Variants in PRKN observed in about 807,000 individuals in gnomAD.
The protein encoded by PRKN is E3 ubiquitin-protein ligase parkin.
PRKN carries 56 observed loss-of-function variants against 59.5 expected under a neutral mutation model. The ratio of observed to expected loss-of-function variants is 0.94; its 90% CI spans 0.76 to 1.18. The LOEUF is 1.18. Among genes scored for constraint, PRKN ranks in the 50% most tolerant of loss-of-function variants. PRKN has a pLI of 0.00. For missense variants in PRKN, 657 were observed against 596.4 expected, an observed-to-expected ratio of 1.10 and a Z score of -1.06; for synonymous variants, 250 against 222.1, an observed-to-expected ratio of 1.13 and a Z score of -1.12.
At chr6:162,521,593 A>T (rs188166010) in intron 1 of PRKN, among the ~76,000 whole-genome samples, 1 of 152,282 alleles carries the variant, frequency 6.6e-6, no homozygotes, top group Admixed American at 6.5e-5. Flanking sequence ...TGGAAAAAAC[A>T]TATTACTATT....
At chr6:161,658,390 A>C (rs952580903) in intron 7 of PRKN, among the ~76,000 whole-genome samples, 7 of 152,218 alleles carry the variant, frequency 4.6e-5, no homozygotes, top group Non-Finnish European at 2.9e-5. Context: ...ACCCCCTCTC[A>C]GTCCAGTGAC....
rs577230047 is a variant in PRKN, at chr6:162,252,714, T to G, written c.412+9811A>C. On this transcript the variant is annotated intron_variant, in intron 3 of 11. Transcript: ENST00000366898. ...CATCAGCTTTAAAGGTGCCTTGTTC[T>G]TTCACTTCCCAGCATCTAGAACTGG... Among the ~76,000 whole-genome samples, 6 of 152,358 alleles carry G rather than the reference T, an allele frequency of 3.9e-5. No individual in the cohort carries two copies. The South Asian group carries it at 1.2e-3, about 32-fold the overall frequency.
At chr6:161,649,543 C>T (rs1367664110) in intron 7 of PRKN, among the ~76,000 whole-genome samples, 1 of 152,132 alleles carries the variant, frequency 6.6e-6, no homozygotes, top group Non-Finnish European at 1.5e-5. Flanking sequence ...TTATATAAAC[C>T]AGGTTCAGAA....
chr6:162,503,990 G>A (rs147357269), intron 1 of PRKN, among the ~76,000 whole-genome samples: 14 of 152,318 alleles, frequency 9.2e-5, no homozygotes, highest in African/African-American at 2.6e-4. Context: ...GGACTTCTTG[G>A]CAACACAGCT....
intron 2 of PRKN, among the ~76,000 whole-genome samples, chr6:162,383,341 A>G (rs1295874498): frequency 6.6e-6 from 1 of 152,232 alleles, no homozygotes; most frequent in African/African-American, 2.4e-5. Flanking sequence ...AATGACCGTT[A>G]TGTTAGCAAG....
chr6:161,977,945 G>T (rs890237270), intron 5 of PRKN, among the ~76,000 whole-genome samples: 1 of 151,518 alleles, frequency 6.6e-6, no homozygotes, highest in Non-Finnish European at 1.5e-5. Flanking sequence ...GCGGACAAAT[G>T]ACAGACCCAT....
At position 162,201,244 on chromosome 6, in the gene PRKN, A is replaced by G; in HGVS notation, c.421T>C (p.Ser141Pro). The G allele has an allele frequency of 6.2e-7, 1 of 1,613,922 alleles. No homozygotes were observed. The change falls in exon 4 of 12, where the codon TCA (serine) becomes CCA (proline). Residue 141 changes from serine to proline, a missense_variant. By Grantham distance (74) the Ser-to-Pro change is moderately conservative. Coordinates refer to ENST00000366898, the MANE Select transcript of PRKN (RefSeq NM_004562.3). ...SPPAGSPAGR[S>P]IYNSFYVYCK... ...TACACATAAAAGCTGTTGTAGATTG[A>G]TCTACCTGCTGGAGAAGAAAAAGCA...
At chr6:162,185,942 C>T (rs1784010865) in intron 4 of PRKN, among the ~76,000 whole-genome samples, 1 of 151,954 alleles carries the variant, frequency 6.6e-6, no homozygotes, top group Non-Finnish European at 1.5e-5. Flanking sequence ...AGAGAAGAGG[C>T]TATGTAGCAG....
intron 1 of PRKN, among the ~76,000 whole-genome samples, chr6:162,513,539 A>C (rs1777720391): frequency 6.6e-6 from 1 of 151,942 alleles, no homozygotes; most frequent in Non-Finnish European, 1.5e-5. Flanking sequence ...AAAGAGAAGG[A>C]AGAGAGAGAC....
chr6:161,788,477 C>T (rs1436600921), intron 6 of PRKN, among the ~76,000 whole-genome samples: 1 of 152,116 alleles, frequency 6.6e-6, no homozygotes, highest in African/African-American at 2.4e-5. Context: ...AGTTTTGGTT[C>T]CCACAGAGTG....
intron 2 of PRKN, among the ~76,000 whole-genome samples, chr6:162,331,156 C>A (rs1354979882): frequency 7.1e-6 from 1 of 141,068 alleles, no homozygotes; most frequent in East Asian, 2.0e-4. Flanking sequence ...TGGTGAAACC[C>A]CATCTCTATT....
chr6:162,656,483 T>C (rs768845254), intron 1 of PRKN, among the ~76,000 whole-genome samples: 2 of 152,182 alleles, frequency 1.3e-5, no homozygotes, highest in Non-Finnish European at 2.9e-5. Flanking sequence ...AAAAGGTGTA[T>C]GTCATACTTG....
chr6:162,231,063 T>C (rs1778401894), intron 3 of PRKN, among the ~76,000 whole-genome samples: 1 of 152,148 alleles, frequency 6.6e-6, no homozygotes, highest in South Asian at 2.1e-4. Context: ...TTCTCAGAAA[T>C]TAAGAGGAAA....
intron 5 of PRKN, among the ~76,000 whole-genome samples, chr6:161,980,983 G>A (rs1202985451): frequency 6.6e-6 from 1 of 152,146 alleles, no homozygotes; most frequent in Non-Finnish European, 1.5e-5. Context: ...AATATACATT[G>A]TATATTGAGA....
chr6:162,083,911 A>G (rs1185237033), intron 4 of PRKN, among the ~76,000 whole-genome samples: 2 of 152,066 alleles, frequency 1.3e-5, no homozygotes, highest in African/African-American at 2.4e-5. Flanking sequence ...GTATTTCTTC[A>G]TTTTTCAAAG....
At position 162,003,653 on chromosome 6, in the gene PRKN, A is replaced by G. The variant is rs1230407931; in HGVS notation, c.619-30236T>C. Among the ~76,000 whole-genome samples, 2 of 152,170 alleles carry G rather than the reference A, an allele frequency of 1.3e-5. 1 individual carries two copies. Among genetic ancestry groups the G allele is most frequent in the Non-Finnish European group, 2.9e-5 (2 of 68,036 alleles). ...TATTCGTTCATTTTTATTGCAGTTT[A>G]CTATATCACTGTATAAATATACCAT... On this transcript the variant is annotated intron_variant, in intron 5 of 11. Transcript: ENST00000366898.
rs968916131 is a variant in PRKN, at chr6:161,529,775, A to C, written c.1083+19079T>G. Among the ~76,000 whole-genome samples, 2 of 152,208 alleles carry C rather than the reference A, an allele frequency of 1.3e-5. No homozygotes were observed. The highest frequency in any genetic ancestry group is 2.4e-5 in the African/African-American group (1 of 41,442). On this transcript the variant is annotated intron_variant, in intron 9 of 11. Transcript: ENST00000366898. The surrounding 1 kb of genome is among the most constrained non-coding windows in gnomAD (Gnocchi z 4.4). ...CAACTGATTTTTGTCTCTGGCTGGA[A>C]AATTTTTCATGGGTTACACATTCTT...
intron 5 of PRKN, among the ~76,000 whole-genome samples, chr6:161,985,038 T>C (rs1479140892): frequency 1.3e-5 from 2 of 152,218 alleles, no homozygotes; most frequent in Non-Finnish European, 2.9e-5. Flanking sequence ...TCTGGTGTGG[T>C]ACCAGCTTCC....
At chr6:162,250,667 T>A (rs906657388) in intron 3 of PRKN, among the ~76,000 whole-genome samples, 12 of 152,234 alleles carry the variant, frequency 7.9e-5, no homozygotes, top group African/African-American at 2.9e-4. Context: ...GTTGGCAGAA[T>A]AAAGTAGGAC....
Sources: gnomAD v4.1 joint callset for allele counts (sites outside exome capture counted in the v4.1 genomes callset) on GRCh38, gnomAD v4.1.1 for gene constraint, Gnocchi (gnomAD v3.1) non-coding constraint, MANE v1.5 for transcripts, NCBI Gene and HGNC (gene_info 2026-07-23, HGNC 2026-07-21) for gene names.